The following TUBGCP5 variants were observed in gnomAD, a reference collection of about 807,000 sequenced individuals.
The protein encoded by TUBGCP5 is tubulin gamma complex component 5, also known as gamma-tubulin complex component 5.
Under a neutral mutation model 134.7 loss-of-function variants are expected in TUBGCP5, and 98 were observed. The ratio of observed to expected loss-of-function variants is 0.73; its 90% CI spans 0.62 to 0.86. The LOEUF (loss-of-function observed/expected upper bound fraction) is 0.86. Ranked by LOEUF, TUBGCP5 falls within the 40% of genes least tolerant of loss-of-function variation. The probability of loss-of-function intolerance (pLI) is 0.00; values close to 1 mark genes in which losing one functional copy is unlikely to be tolerated. For missense variants in TUBGCP5, 1,150 were observed against 1,244.8 expected, an observed-to-expected ratio of 0.92 and a Z score of 1.15; for synonymous variants, 456 against 431.4, an observed-to-expected ratio of 1.06 and a Z score of -0.71.
intron 20 of TUBGCP5, 27 bp downstream of exon 20, chr15:23,004,075 C>T (rs1210669452): frequency 1.9e-6 from 3 of 1,588,788 alleles, no homozygotes; most frequent in South Asian, 2.3e-5. Context: ...CAGCAGTGGC[C>T]ACATCTGCAG....
At chr15:23,002,028 T>C (rs1490481748) in intron 21 of TUBGCP5, among the ~76,000 whole-genome samples, 1 of 150,426 alleles carries the variant, frequency 6.6e-6, no homozygotes, top group Non-Finnish European at 1.5e-5. Flanking sequence ...ACTTCTTAAG[T>C]TCCTCACCCC....
At position 23,009,956 on chromosome 15, in the gene TUBGCP5, T is replaced by C; in HGVS notation, c.2133A>G (p.Lys711=). The C allele has an allele frequency of 6.2e-7, 1 of 1,612,566 alleles. No individual in the cohort carries two copies. Among genetic ancestry groups the C allele is most frequent in the Non-Finnish European group, 8.5e-7 (1 of 1,179,220 alleles). ...AATTACTCTTTTACCTGTAATCTTT[T>C]TTTAGAGTTTGCATGAGATTTCCAC... ...DCCGNLMQTL[K]KDYRLVEYLQ... Residue 711 remains lysine, a synonymous_variant, in exon 15 of 23, where the codon AAA becomes AAG. Coordinates refer to ENST00000615383, the MANE Select transcript of TUBGCP5 (RefSeq NM_052903.6).
chr15:23,034,912 G>A (rs2066498149), intron 3 of TUBGCP5, among the ~76,000 whole-genome samples: 1 of 151,962 alleles, frequency 6.6e-6, no homozygotes, highest in Admixed American at 6.6e-5. Flanking sequence ...ATTCGCTGAA[G>A]AGATTAATAA....
chr15:22,983,077 GAAGTA>G (rs2063583611), downstream of TUBGCP5: 1 of 152,102 alleles, frequency 6.6e-6, no homozygotes, highest in Non-Finnish European at 1.5e-5. Flanking sequence ...GACACAAAAA[GAAGTA>G]AAGATACAAA....
At chr15:23,019,552 C>T (rs894449250) in intron 11 of TUBGCP5, among the ~76,000 whole-genome samples, 1 of 152,108 alleles carries the variant, frequency 6.6e-6, no homozygotes, top group Admixed American at 6.5e-5. Flanking sequence ...GATCCCAGCA[C>T]TTTGGGAGAC....
chr15:23,027,318 A>C lies in TUBGCP5; in HGVS notation c.623-12T>G. 1.2e-6 allele frequency: 2 copies of C among 1,610,148 alleles called. No homozygotes were observed. Among genetic ancestry groups the C allele is most frequent in the Non-Finnish European group, 1.7e-6 (2 of 1,176,772 alleles). On this transcript the variant is annotated splice_polypyrimidine_tract_variant and intron_variant, in intron 6 of 22. Coordinates refer to ENST00000615383, the MANE Select transcript of TUBGCP5 (RefSeq NM_052903.6). ...GTCATCTGGCTCATCTGCTTGAAAG[A>C]AATGTAATCAGTTTGAGTTAACAAC... is the stretch of plus-strand genomic sequence containing the variant.
intron 4 of TUBGCP5, 102 bp from the exon 5 acceptor site, chr15:23,032,131 G>T: frequency 1.4e-6 from 1 of 711,282 alleles, no homozygotes; most frequent in Non-Finnish European, 2.2e-6. Flanking sequence ...AAATACTCAG[G>T]AAATAAAAAT....
At chr15:23,036,836 G>C in intron 3 of TUBGCP5, 61 bp downstream of exon 3, 1 of 1,121,568 alleles carries the variant, frequency 8.9e-7, no homozygotes, top group Non-Finnish European at 1.3e-6. Flanking sequence ...GAAACAAATT[G>C]ACGATAATCA....
intron 6 of TUBGCP5, among the ~76,000 whole-genome samples, chr15:23,029,984 T>C (rs1232210616): frequency 6.6e-6 from 1 of 152,032 alleles, no homozygotes; most frequent in Non-Finnish European, 1.5e-5. Context: ...TGCTTGAGTC[T>C]AGGAGTTTGA....
intron 23 of TUBGCP5, among the ~76,000 whole-genome samples, chr15:22,993,665 C>G (rs947731777): frequency 6.6e-6 from 1 of 151,234 alleles, no homozygotes; most frequent in Non-Finnish European, 1.5e-5. Context: ...CTGTCTCAGC[C>G]TCCTGAGTAG....
At chr15:22,994,315 C>T (rs922696564), downstream of TUBGCP5, among the ~76,000 whole-genome samples, 5 of 151,982 alleles carry the variant, frequency 3.3e-5, no homozygotes, top group African/African-American at 9.7e-5. Flanking sequence ...GTCTTGAACT[C>T]GTGACCTCCA....
intron 10 of TUBGCP5, 136 bp from the exon 11 acceptor site, chr15:23,022,297 A>G: frequency 1.2e-6 from 1 of 808,860 alleles, no homozygotes; most frequent in Non-Finnish European, 2.0e-6. Flanking sequence ...ATCTCATACC[A>G]CAAGGACCTA....
chr15:23,001,867 C>A (rs61351766), intron 21 of TUBGCP5, among the ~76,000 whole-genome samples: 6,984 of 152,086 alleles, frequency 0.046, 428 homozygotes, highest in African/African-American at 0.14. Flanking sequence ...ATAAAGACTC[C>A]TTTCAAAACA....
chr15:23,004,049 G>A, intron 20 of TUBGCP5, 53 bp downstream of exon 20: 1 of 1,546,922 alleles, frequency 6.5e-7, no homozygotes. Flanking sequence ...AAAGCACGCA[G>A]ACAGCGCCAC....
At position 23,005,518 on chromosome 15, in the gene TUBGCP5, C is replaced by T. The variant is rs756624316; in HGVS notation, c.2626G>A (p.Val876Ile). The part of the protein sequence containing the change: ...VAQFGPQKEP[V>I]RQQIHRMFLL... ...AACATGCGATGAATCTGCTGTCTTA[C>T]TGGTTCTTTTTGTGGTCCGAACTGA... is the stretch of plus-strand genomic sequence containing the variant. Residue 876 changes from valine to isoleucine, a missense_variant, in exon 19 of 23, where the codon GTA becomes ATA. By Grantham distance (29) the Val-to-Ile change is conservative. This residue lies in a region of TUBGCP5 where 697 missense variants were observed against 850.1 expected (regional missense o/e 0.82). Coordinates refer to ENST00000615383, the MANE Select transcript of TUBGCP5 (RefSeq NM_052903.6). 1.2e-6 allele frequency: 2 copies of T among 1,614,194 alleles called. No homozygotes were observed. The highest frequency in any genetic ancestry group is 3.3e-5 in the Admixed American group (2 of 60,026).
intron 6 of TUBGCP5, 56 bp from the exon 7 acceptor site, chr15:23,027,362 A>G (rs1438777964): frequency 7.1e-6 from 10 of 1,407,352 alleles, no homozygotes; most frequent in Admixed American, 1.7e-5. Flanking sequence ...ACTGGGTCAC[A>G]ATACCTGGAC....
chr15:23,031,197 G>A (rs56405883), intron 5 of TUBGCP5, among the ~76,000 whole-genome samples, 177 bp from the exon 6 acceptor site: 41 of 152,158 alleles, frequency 2.7e-4, no homozygotes, highest in Non-Finnish European at 4.9e-4. Context: ...ATGGAAATAT[G>A]ATTACTACTT....
chr15:23,036,881 A>G lies in TUBGCP5; in HGVS notation c.309+16T>C, dbSNP rs113865539. 1.9e-3 allele frequency: 2,811 copies of G among 1,471,292 alleles called. 18 individuals are homozygous for G. The African/African-American group carries it at 0.024, about 12-fold the overall frequency. The allele number at this position is 1,471,292 out of a possible 1,614,324, so 91.1% of individuals were successfully genotyped here. A position where few individuals can be genotyped will look rare whatever the true frequency, so the allele number is the denominator to read the frequency against. The stretch of plus-strand genomic sequence containing the variant: ...CAGTAAAATACACAGTGGAGATCTC[A>G]TAATTGAAGGCATACCTTTATTTCC... On this transcript the variant is annotated intron_variant, in intron 3 of 22. Coordinates refer to ENST00000615383, the MANE Select transcript of TUBGCP5 (RefSeq NM_052903.6).
At chr15:22,986,057 C>A (rs2063668008) in intron 23 of TUBGCP5, among the ~76,000 whole-genome samples, 2 of 149,614 alleles carry the variant, frequency 1.3e-5, no homozygotes, top group African/African-American at 4.9e-5. Flanking sequence ...TGGTGTGAAC[C>A]CGGGAGGCAG....
Sources: gnomAD v4.1 joint callset for allele counts (sites outside exome capture counted in the v4.1 genomes callset) on GRCh38, gnomAD v4.1.1 for gene constraint, gnomAD v4.1.1 regional missense constraint, MANE v1.5 for transcripts, NCBI Gene and HGNC (gene_info 2026-07-23, HGNC 2026-07-21) for gene names.